TMEFF2: variants seen among roughly 807,000 people sequenced by gnomAD.
The protein encoded by TMEFF2 is tomoregulin-2.
In TMEFF2, 28 loss-of-function variants were observed where a neutral mutation model predicts 53.8. The ratio of observed to expected loss-of-function variants is 0.52; its 90% CI spans 0.39 to 0.71. The LOEUF is 0.71. Ranked by LOEUF, TMEFF2 falls within the 30% of genes least tolerant of loss-of-function variation. TMEFF2 has a pLI of 0.00. For synonymous variants in TMEFF2, 162 were observed against 166.3 expected, an observed-to-expected ratio of 0.97 and a Z score of 0.20; for missense variants, 353 against 455.2, an observed-to-expected ratio of 0.78 and a Z score of 2.04.
chr2:192,125,434 A>G (rs1177467261), intron 4 of TMEFF2, among the ~76,000 whole-genome samples: 1 of 152,220 alleles, frequency 6.6e-6, no homozygotes, highest in East Asian at 1.9e-4. Context: ...AAGCAATAAT[A>G]TTGGGTTTTT....
At chr2:192,014,226 A>G (rs1397459101) in intron 5 of TMEFF2, among the ~76,000 whole-genome samples, 4 of 152,188 alleles carry the variant, frequency 2.6e-5, no homozygotes, top group African/African-American at 4.8e-5. Flanking sequence ...TTTAAACATG[A>G]TGATGAATTT....
At chr2:192,033,911 C>G (rs1341753897) in intron 5 of TMEFF2, among the ~76,000 whole-genome samples, 1 of 151,876 alleles carries the variant, frequency 6.6e-6, no homozygotes, top group South Asian at 2.1e-4. Context: ...CATGGTGGCT[C>G]ACGCCCGTAA....
At chr2:192,099,548 T>C (rs112792449) in intron 4 of TMEFF2, among the ~76,000 whole-genome samples, 4,701 of 152,260 alleles carry the variant, frequency 0.031, 242 homozygotes, top group African/African-American at 0.11. Context: ...ACAAAATGAT[T>C]TTCTTTATTC....
intron 2 of TMEFF2, 59 bp from the exon 3 acceptor site, chr2:192,184,542 C>G: frequency 1.3e-6 from 2 of 1,586,360 alleles, no homozygotes; most frequent in Middle Eastern, 3.4e-4. Context: ...CCCTCTGACA[C>G]GATGAACAGA....
chr2:192,186,203 G>T (rs1171897463), intron 2 of TMEFF2, among the ~76,000 whole-genome samples: 1 of 152,118 alleles, frequency 6.6e-6, no homozygotes, highest in Non-Finnish European at 1.5e-5. Flanking sequence ...ACTGACTTCT[G>T]ATTAGGTGAT....
At chr2:191,976,918 G>A (rs1384326642) in intron 7 of TMEFF2, among the ~76,000 whole-genome samples, 1 of 152,096 alleles carries the variant, frequency 6.6e-6, no homozygotes, top group Non-Finnish European at 1.5e-5. Flanking sequence ...TGTGACCACG[G>A]GCAACTTATT....
intron 4 of TMEFF2, among the ~76,000 whole-genome samples, chr2:192,158,993 C>T (rs1490413430): frequency 1.3e-5 from 2 of 152,058 alleles, no homozygotes; most frequent in African/African-American, 4.8e-5. Flanking sequence ...ACCATACCTT[C>T]TGATCTGAAG....
intron 4 of TMEFF2, among the ~76,000 whole-genome samples, chr2:192,140,655 G>A (rs1327353448): frequency 1.3e-5 from 2 of 152,068 alleles, no homozygotes; most frequent in African/African-American, 4.8e-5. Context: ...GGTGAGCACC[G>A]TATCAACATT....
At chr2:192,019,955 T>C (rs538638314) in intron 5 of TMEFF2, among the ~76,000 whole-genome samples, 1 of 152,226 alleles carries the variant, frequency 6.6e-6, no homozygotes, top group East Asian at 1.9e-4. Context: ...CTTTCAGAAA[T>C]GTGTCTGAGC....
intron 4 of TMEFF2, among the ~76,000 whole-genome samples, chr2:192,130,596 C>A (rs1395816632): frequency 1.3e-5 from 2 of 152,100 alleles, no homozygotes; most frequent in Non-Finnish European, 2.9e-5. Flanking sequence ...CTCAGAAGCT[C>A]CCCCACTGAG....
intron 4 of TMEFF2, among the ~76,000 whole-genome samples, chr2:192,139,796 A>G (rs188378766): frequency 6.6e-6 from 1 of 152,284 alleles, no homozygotes; most frequent in East Asian, 1.9e-4. Context: ...GCTCCCTTTA[A>G]CTATGATGGA....
At chr2:192,141,735 C>T (rs1222076743) in intron 4 of TMEFF2, among the ~76,000 whole-genome samples, 1 of 152,060 alleles carries the variant, frequency 6.6e-6, no homozygotes. Flanking sequence ...GTGAAATTAC[C>T]ATGATTGAAT....
intron 8 of TMEFF2, among the ~76,000 whole-genome samples, chr2:191,955,020 A>AG (rs1456161421): frequency 5.9e-5 from 9 of 151,344 alleles, no homozygotes; most frequent in Admixed American, 1.3e-4. Flanking sequence ...CTGGGGAGTG[A>AG]GGGGGTAGCA....
At chr2:192,180,793 A>G (rs368113951) in intron 3 of TMEFF2, among the ~76,000 whole-genome samples, 2 of 151,760 alleles carry the variant, frequency 1.3e-5, no homozygotes, top group East Asian at 3.9e-4. Flanking sequence ...GGAAGAAGGA[A>G]GGCCTTCCCA....
chr2:192,070,102 C>T (rs1387957077), intron 4 of TMEFF2, among the ~76,000 whole-genome samples: 1 of 147,318 alleles, frequency 6.8e-6, no homozygotes, highest in Non-Finnish European at 1.5e-5. Flanking sequence ...TTAGGTTTAA[C>T]CAGCACCATT....
At chr2:192,138,956 T>A (rs757010531) in intron 4 of TMEFF2, among the ~76,000 whole-genome samples, 3 of 152,058 alleles carry the variant, frequency 2.0e-5, no homozygotes, top group Non-Finnish European at 4.4e-5. Flanking sequence ...AGATGGAAAG[T>A]AAAAATTGAA....
intron 4 of TMEFF2, among the ~76,000 whole-genome samples, chr2:192,106,265 A>G (rs1448014077): frequency 6.6e-6 from 1 of 151,788 alleles, no homozygotes; most frequent in African/African-American, 2.4e-5. Flanking sequence ...AAATATATGT[A>G]CAAAAAATGC....
chr2:192,082,510 A>T (rs1688576986), intron 4 of TMEFF2, among the ~76,000 whole-genome samples: 1 of 152,160 alleles, frequency 6.6e-6, no homozygotes, highest in African/African-American at 2.4e-5. Context: ...CTTTGCTAAC[A>T]TTTTGTCACT....
In TMEFF2 at chr2:191,949,852, C is replaced by T. The variant is rs902418505; in HGVS notation, c.*459G>A. On this transcript the variant is annotated 3_prime_UTR_variant, in exon 10 of 10. Coordinates refer to ENST00000272771, the MANE Select transcript of TMEFF2 (RefSeq NM_016192.4). The stretch of plus-strand genomic sequence containing the variant: ...ATTTTTTCTCTTTTCCAATAACCAT[C>T]ATTTCCCTTGATCTTGGAATCATTC... 3.0e-6 allele frequency: 3 copies of T among 985,884 alleles called. No homozygotes were observed. The African/African-American group carries it at 5.2e-5, about 17-fold the overall frequency. The allele number at this position is 985,884 out of a possible 1,614,324, so 61.1% of individuals were successfully genotyped here.
Sources: gnomAD v4.1 joint callset for allele counts (sites outside exome capture counted in the v4.1 genomes callset) on GRCh38, gnomAD v4.1.1 for gene constraint, MANE v1.5 for transcripts, NCBI Gene and HGNC (gene_info 2026-07-23, HGNC 2026-07-21) for gene names.